AJAP1: variants seen among roughly 807,000 people sequenced by gnomAD.
The protein encoded by AJAP1 is adherens junctions associated protein 1, also known as adherens junction-associated protein 1.
AJAP1 carries 5 observed loss-of-function variants against 35.0 expected under a neutral mutation model. The observed-to-expected ratio is 0.14, with a 90% CI of 0.07 to 0.30. The LOEUF (loss-of-function observed/expected upper bound fraction) is 0.30. Ranked by LOEUF, AJAP1 falls within the 10% of genes least tolerant of loss-of-function variation. AJAP1 has a pLI of 1.00. For missense variants in AJAP1, 586 were observed against 571.0 expected, an observed-to-expected ratio of 1.03 and a Z score of -0.27; for synonymous variants, 284 against 249.3, an observed-to-expected ratio of 1.14 and a Z score of -1.31.
chr1:4,760,248 T>A (rs80015483), intron 2 of AJAP1, among the ~76,000 whole-genome samples: 1 of 117,528 alleles, frequency 8.5e-6, no homozygotes, highest in South Asian at 2.7e-4. Context: ...TGTGTATGAG[T>A]GTGTGAGCAT....
rs367777603 is a variant in AJAP1 at position 4,662,163 on chromosome 1, G to A, written c.29+6709G>A. ...TTCATTGATTTTTAGGAAATTGGCC[G>A]AGTTGCACAACTATTGCCATGGTCC... is the stretch of plus-strand genomic sequence containing the variant. On this transcript the variant is annotated intron_variant, in intron 1 of 5. Transcript: ENST00000378191. Among the ~76,000 whole-genome samples the A allele has an allele frequency of 8.5e-5, 13 of 152,214 alleles. No homozygotes were observed. The South Asian group carries it at 2.3e-3, about 27-fold the overall frequency.
intron 2 of AJAP1, among the ~76,000 whole-genome samples, chr1:4,756,913 C>G (rs1317214866): frequency 2.0e-5 from 3 of 152,014 alleles, no homozygotes; most frequent in African/African-American, 7.2e-5. Flanking sequence ...AAGTGTGGAA[C>G]CTCAGGCTGC....
chr1:4,659,297 T>G (rs554907493), intron 1 of AJAP1, among the ~76,000 whole-genome samples: 1 of 152,212 alleles, frequency 6.6e-6, no homozygotes, highest in Non-Finnish European at 1.5e-5. Flanking sequence ...ATCCTTGATC[T>G]AGATTTTACA....
In AJAP1 at chr1:4,740,785, CAA is replaced by C. The variant is rs34897087; in HGVS notation, c.829+28105_829+28106del. On this transcript the variant is annotated intron_variant, in intron 2 of 5. Transcript: ENST00000378191. Reference sequence around the variant, plus strand: ...TGGGCAACAGAGCAAGACTCCGTCTCAAAAAAAAAAAAAAAAAAAAGCGGGGG... The same window carrying C: ...TGGGCAACAGAGCAAGACTCCGTCTCAAAAAAAAAAAAAAAAAAGCGGGGG... 4.9e-3 allele frequency among the ~76,000 whole-genome samples: 325 copies of C among 66,948 alleles called. 3 individuals are homozygous for C. In the East Asian group the frequency reaches 0.064, roughly 13 times the overall value. 43.9% of individuals were successfully genotyped at this position (66,948 alleles called of 152,430 possible). A position where few individuals can be genotyped will look rare whatever the true frequency, so the allele number is the denominator to read the frequency against.
At chr1:4,753,971 G>A (rs752808726) in intron 2 of AJAP1, among the ~76,000 whole-genome samples, 10 of 151,956 alleles carry the variant, frequency 6.6e-5, no homozygotes, top group Admixed American at 2.6e-4. Flanking sequence ...GTTTTTGTTC[G>A]CTTGGTTCTG....
At chr1:4,659,100 A>G (rs1638944665) in intron 1 of AJAP1, among the ~76,000 whole-genome samples, 1 of 152,148 alleles carries the variant, frequency 6.6e-6, no homozygotes. Flanking sequence ...CTGGGTTACA[A>G]TGAAGTAGGT....
intron 2 of AJAP1, among the ~76,000 whole-genome samples, chr1:4,727,083 G>A (rs1640680728): frequency 6.6e-6 from 1 of 152,234 alleles, no homozygotes; most frequent in Non-Finnish European, 1.5e-5. Context: ...TCGCAGTTTG[G>A]GTTACATCTG....
chr1:4,711,531 TCA>T (rs1640234454), intron 1 of AJAP1, among the ~76,000 whole-genome samples: 1 of 152,190 alleles, frequency 6.6e-6, no homozygotes, highest in African/African-American at 2.4e-5. Context: ...AAGGAGGGAC[TCA>T]CAGGTCTTTT....
intron 1 of AJAP1, among the ~76,000 whole-genome samples, chr1:4,695,219 A>G (rs1334384031): frequency 1.3e-5 from 2 of 152,116 alleles, no homozygotes; most frequent in Non-Finnish European, 2.9e-5. Flanking sequence ...AGGGCCTATG[A>G]GCAAGTATTT....
At chr1:4,702,068 C>T (rs769394313) in intron 1 of AJAP1, among the ~76,000 whole-genome samples, 5 of 152,162 alleles carry the variant, frequency 3.3e-5, no homozygotes, top group African/African-American at 9.7e-5. Flanking sequence ...AGTGTTCTAA[C>T]GTGTCCCCAG....
chr1:4,740,081 G>A (rs184862606), intron 2 of AJAP1, among the ~76,000 whole-genome samples: 8 of 152,168 alleles, frequency 5.3e-5, no homozygotes, highest in South Asian at 2.1e-4. Flanking sequence ...TCACAGCAGC[G>A]TTATTTACAA....
At chr1:4,732,190 G>A (rs1415033228) in intron 2 of AJAP1, among the ~76,000 whole-genome samples, 2 of 152,252 alleles carry the variant, frequency 1.3e-5, no homozygotes, top group East Asian at 1.9e-4. Flanking sequence ...GTGGGGATGG[G>A]GCACAGCCAA....
chr1:4,663,857 A>C (rs10915578), intron 1 of AJAP1, among the ~76,000 whole-genome samples: 80 of 152,072 alleles, frequency 5.3e-4, no homozygotes, highest in African/African-American at 1.9e-3. Context: ...GTGTCTGCAT[A>C]GGACATGGGA....
intron 1 of AJAP1, among the ~76,000 whole-genome samples, chr1:4,681,376 G>A (rs2100209987): frequency 6.6e-6 from 1 of 152,342 alleles, no homozygotes; most frequent in Non-Finnish European, 1.5e-5. Context: ...GAGGCTGGGT[G>A]CTTGCCAGAG....
At chr1:4,726,795 G>A (rs887180784) in intron 2 of AJAP1, among the ~76,000 whole-genome samples, 2 of 152,192 alleles carry the variant, frequency 1.3e-5, no homozygotes, top group African/African-American at 2.4e-5. Context: ...TGCATTGCAC[G>A]GCCGGCTGCT....
At chr1:4,716,834 T>G (rs536301400) in intron 2 of AJAP1, among the ~76,000 whole-genome samples, 84 of 152,292 alleles carry the variant, frequency 5.5e-4, no homozygotes, top group African/African-American at 1.9e-3. Flanking sequence ...GCCACTACCT[T>G]TACTGCTCTA....
At chr1:4,703,585 C>T (rs1285971521) in intron 1 of AJAP1, among the ~76,000 whole-genome samples, 4 of 152,146 alleles carry the variant, frequency 2.6e-5, no homozygotes, top group Non-Finnish European at 4.4e-5. Context: ...GCTGAAATCT[C>T]GCATCCCACC....
intron 1 of AJAP1, among the ~76,000 whole-genome samples, chr1:4,697,048 G>A (rs1639879300): frequency 6.6e-6 from 1 of 152,140 alleles, no homozygotes; most frequent in Non-Finnish European, 1.5e-5. Context: ...ACCTGTGTTT[G>A]TGTGTGTATG....
chr1:4,772,155 C>T lies in AJAP1; in HGVS notation c.918-125C>T, dbSNP rs1043228283. On this transcript the variant is annotated intron_variant, in intron 3 of 5. Transcript: ENST00000378191. ...TCTTTCTGAAGAGGCTGGGAATTAC[C>T]GTTTAATATGAAATGATGCGTAGCT... The T allele has an allele frequency of 5.0e-5, 61 of 1,214,106 alleles. No homozygotes were observed. In the African/African-American group the frequency reaches 6.6e-4, roughly 13 times the overall value. 75.2% of individuals were successfully genotyped at this position (1,214,106 alleles called of 1,614,324 possible). A position where few individuals can be genotyped will look rare whatever the true frequency, so the allele number is the denominator to read the frequency against.
Sources: gnomAD v4.1 joint callset for allele counts (sites outside exome capture counted in the v4.1 genomes callset) on GRCh38, gnomAD v4.1.1 for gene constraint, MANE v1.5 for transcripts, NCBI Gene and HGNC (gene_info 2026-07-23, HGNC 2026-07-21) for gene names.